The following ACSM1 variants were observed in gnomAD, a reference collection of about 807,000 sequenced individuals.
The protein encoded by ACSM1 is acyl-coenzyme A synthetase ACSM1, mitochondrial.
Under a neutral mutation model 75.8 loss-of-function variants are expected in ACSM1, and 79 were observed. The observed-to-expected ratio is 1.04, with a 90% confidence interval of 0.87 to 1.26. The LOEUF (loss-of-function observed/expected upper bound fraction) is 1.26. Among genes scored for constraint, ACSM1 ranks in the 50% most tolerant of loss-of-function variants. The probability of loss-of-function intolerance (pLI) is 0.00; values close to 1 mark genes in which losing one functional copy is unlikely to be tolerated. For missense variants in ACSM1, 676 were observed against 720.1 expected, an observed-to-expected ratio of 0.94 and a Z score of 0.70; for synonymous variants, 279 against 265.8, an observed-to-expected ratio of 1.05 and a Z score of -0.48.
intron 7 of ACSM1, among the ~76,000 whole-genome samples, chr16:20,658,397 A>C (rs903037191): frequency 6.6e-6 from 1 of 152,050 alleles, no homozygotes; most frequent in Non-Finnish European, 1.5e-5. Flanking sequence ...TTGGCTGCAT[A>C]AATGTCTTCT....
intron 3 of ACSM1, among the ~76,000 whole-genome samples, chr16:20,684,227 T>A (rs1244265257): frequency 6.6e-6 from 1 of 152,174 alleles, no homozygotes. Flanking sequence ...AAAACCAACA[T>A]GGTAATATTC....
At chr16:20,695,969 T>C (rs1187580801) in intron 1 of ACSM1, among the ~76,000 whole-genome samples, 1 of 152,230 alleles carries the variant, frequency 6.6e-6, no homozygotes, top group Non-Finnish European at 1.5e-5. Flanking sequence ...GGATCACATA[T>C]ACAGAGTGGC....
chr16:20,685,060 C>T, intron 3 of ACSM1, 133 bp downstream of exon 3: 1 of 883,408 alleles, frequency 1.1e-6, no homozygotes, highest in East Asian at 2.6e-5. Flanking sequence ...GCTTTGTGGT[C>T]CCAGCACAGA....
At chr16:20,663,239 T>C (rs1442076636) in intron 6 of ACSM1, among the ~76,000 whole-genome samples, 1 of 152,158 alleles carries the variant, frequency 6.6e-6, no homozygotes, top group African/African-American at 2.4e-5. Flanking sequence ...GCATATTACA[T>C]ATGCATCAAA....
chr16:20,686,651 T>C (rs1232708216), intron 2 of ACSM1, among the ~76,000 whole-genome samples: 3 of 151,674 alleles, frequency 2.0e-5, no homozygotes, highest in Admixed American at 6.6e-5. Context: ...AATAAATAAA[T>C]AAAAGCTAAA....
At chr16:20,665,559 T>C (rs1238903167) in intron 6 of ACSM1, among the ~76,000 whole-genome samples, 3 of 152,148 alleles carry the variant, frequency 2.0e-5, no homozygotes. Flanking sequence ...CTAACAGATA[T>C]ACAAAGAACT....
chr16:20,661,374 G>A (rs2019289997), intron 7 of ACSM1, among the ~76,000 whole-genome samples: 1 of 152,024 alleles, frequency 6.6e-6, no homozygotes, highest in Admixed American at 6.6e-5. Context: ...AAATTATAAA[G>A]GCAAGTAAGG....
At position 20,623,438 on chromosome 16, in the gene ACSM1, G is replaced by T. The variant is rs1420943949; in HGVS notation, c.*48C>A. On this transcript the variant is annotated 3_prime_UTR_variant, in exon 14 of 14. Transcript: ENST00000520010. ...TCACCATAGTGGGGAGACTAAAGTG[G>T]CCAGGGATTTGCCTTAGGTGTGCAG... is the stretch of plus-strand genomic sequence containing the variant. 2 of 1,558,766 alleles carry T rather than the reference G, an allele frequency of 1.3e-6. No homozygotes were observed. The highest frequency in any genetic ancestry group is 1.8e-6 in the Non-Finnish European group (2 of 1,130,406).
At chr16:20,668,604 G>A (rs1010341632) in intron 6 of ACSM1, among the ~76,000 whole-genome samples, 8 of 152,184 alleles carry the variant, frequency 5.3e-5, no homozygotes, top group East Asian at 1.9e-4. Context: ...AGCTTGGACC[G>A]AGAAGACTAG....
intron 10 of ACSM1, among the ~76,000 whole-genome samples, chr16:20,632,974 AC>A (rs796323556): frequency 5.3e-5 from 8 of 152,308 alleles, no homozygotes; most frequent in African/African-American, 1.9e-4. Flanking sequence ...AAAACTCAAT[AC>A]CCTTTCATGG....
At chr16:20,638,909 C>T (rs1340866156) in intron 8 of ACSM1, among the ~76,000 whole-genome samples, 5 of 152,218 alleles carry the variant, frequency 3.3e-5, no homozygotes, top group Non-Finnish European at 7.3e-5. Flanking sequence ...CTGGCCCACC[C>T]TCCTCCTTGT....
chr16:20,625,366 T>C, intron 12 of ACSM1, 57 bp downstream of exon 12: 1 of 1,548,144 alleles, frequency 6.5e-7, no homozygotes, highest in East Asian at 2.3e-5. Flanking sequence ...ATGTTTCCCC[T>C]GCACCTGCTT....
chr16:20,656,415 T>C (rs2018959477), intron 7 of ACSM1, among the ~76,000 whole-genome samples: 1 of 152,156 alleles, frequency 6.6e-6, no homozygotes, highest in South Asian at 2.1e-4. Flanking sequence ...AATTTAAAAA[T>C]CTTAAAGTCA....
Position 20,627,183 on chromosome 16 carries a change from A to T in ACSM1, c.1427+6T>A. ...CAACAGCCAGCCCAGCATCAGCCAC[A>T]CCTACCCAGAGGCATTAATGATGTC... On this transcript the variant is annotated splice_donor_region_variant and intron_variant, in intron 11 of 13. Coordinates refer to ENST00000520010, the MANE Select transcript of ACSM1 (RefSeq NM_001318890.3). 6.5e-7 allele frequency: 1 copy of T among 1,536,566 alleles called. No homozygotes were observed. Among genetic ancestry groups the T allele is most frequent in the Non-Finnish European group, 8.7e-7 (1 of 1,149,318 alleles).
At chr16:20,625,373 G>T in intron 12 of ACSM1, 50 bp downstream of exon 12, 2 of 1,572,970 alleles carry the variant, frequency 1.3e-6, no homozygotes, top group Non-Finnish European at 1.7e-6. Flanking sequence ...CCCTGCACCT[G>T]CTTTCCTAGT....
chr16:20,669,469 CA>C (rs2019763852), intron 6 of ACSM1, among the ~76,000 whole-genome samples: 3 of 151,708 alleles, frequency 2.0e-5, no homozygotes, highest in Non-Finnish European at 4.4e-5. Context: ...CACACACACA[CA>C]CACACACACA....
Position 20,653,030 on chromosome 16 carries a change from C to G in ACSM1, c.992+8764G>C, listed in dbSNP as rs931766224. 3.3e-5 allele frequency among the ~76,000 whole-genome samples: 5 copies of G among 152,264 alleles called. No individual in the cohort carries two copies. The South Asian group carries it at 6.2e-4, about 19-fold the overall frequency. ...GAAAATACTGGCAAACTGAATCCAG[C>G]AACACATCAAAAAGCTTATCCACCA... On this transcript the variant is annotated intron_variant, in intron 7 of 13. Coordinates refer to ENST00000520010, the MANE Select transcript of ACSM1 (RefSeq NM_001318890.3).
intron 4 of ACSM1, among the ~76,000 whole-genome samples, chr16:20,676,583 T>C (rs11649650): frequency 6.6e-6 from 1 of 152,084 alleles, no homozygotes; most frequent in South Asian, 2.1e-4. Flanking sequence ...GGTTACAAGG[T>C]GTACATTAAC....
chr16:20,682,903 T>C (rs1415438752), intron 3 of ACSM1, among the ~76,000 whole-genome samples: 1 of 152,100 alleles, frequency 6.6e-6, no homozygotes, highest in African/African-American at 2.4e-5. Context: ...ATGTCCCCTC[T>C]TTCCTTCATT....
Sources: allele counts gnomAD v4.1 joint callset (sites outside exome capture counted in the v4.1 genomes callset), GRCh38; gene constraint gnomAD v4.1.1; transcripts MANE v1.5; gene names NCBI Gene and HGNC (gene_info 2026-07-23, HGNC 2026-07-21).